TANC2: variants seen among roughly 807,000 people sequenced by gnomAD.
TANC2 encodes the protein protein TANC2.
Under a neutral mutation model 210.5 loss-of-function variants are expected in TANC2, and 26 were observed. That is an observed-to-expected ratio of 0.12 (90% CI 0.09 to 0.17). TANC2 has a LOEUF of 0.17. Among genes scored for constraint, TANC2 ranks in the 10% least tolerant of loss-of-function variants. The probability of loss-of-function intolerance (pLI) is 1.00; values close to 1 mark genes in which losing one functional copy is unlikely to be tolerated. For missense variants in TANC2, 2,129 were observed against 2,608.9 expected (o/e 0.82, Z 4.01); for synonymous variants, 931 against 967.1 (o/e 0.96, Z 0.69).
chr17:63,404,025 A>G (rs2048422480), intron 19 of TANC2, among the ~76,000 whole-genome samples: 1 of 152,204 alleles, frequency 6.6e-6, no homozygotes. Context: ...TGCCTGCCAA[A>G]TATTATCATT....
intron 9 of TANC2, among the ~76,000 whole-genome samples, chr17:63,283,516 G>T (rs1431507485): frequency 6.6e-6 from 1 of 151,664 alleles, no homozygotes; most frequent in Non-Finnish European, 1.5e-5. Flanking sequence ...TGCATTGGAT[G>T]GATGGATGGA....
At chr17:63,031,563 G>A (rs375642970) in intron 2 of TANC2, among the ~76,000 whole-genome samples, 16 of 152,072 alleles carry the variant, frequency 1.1e-4, no homozygotes, top group African/African-American at 3.9e-4. Flanking sequence ...TTAAAAAATG[G>A]TCAGACCATT....
At chr17:63,074,830 G>T (rs369488682) in intron 3 of TANC2, among the ~76,000 whole-genome samples, 6 of 152,114 alleles carry the variant, frequency 3.9e-5, no homozygotes, top group African/African-American at 1.2e-4. Context: ...TAAAATTTCA[G>T]ACAATCATTT....
At position 63,205,344 on chromosome 17, in the gene TANC2, C is replaced by CAAA. The variant is rs1158768609; in HGVS notation, c.769+4413_769+4415dup. On this transcript the variant is annotated intron_variant, in intron 7 of 27. Transcript: ENST00000689528. Reference sequence around the variant, plus strand: ...ACTGCTCAAAATTTAACCAAGGAGGCAAAAAAAAAAAAAAAAAAAAAAAAA... The same window carrying CAAA: ...ACTGCTCAAAATTTAACCAAGGAGGCAAAAAAAAAAAAAAAAAAAAAAAAAAAA... Among the ~76,000 whole-genome samples, 56 of 8,070 alleles carry CAAA rather than the reference C, an allele frequency of 6.9e-3. 16 individuals carry two copies. Among genetic ancestry groups the CAAA allele is most frequent in the African/African-American group, 0.029 (54 of 1,876 alleles). The allele number at this position is 8,070 out of a possible 152,430, so 5.3% of individuals were successfully genotyped here.
At chr17:62,996,666 T>C (rs1033129822) in intron 1 of TANC2, among the ~76,000 whole-genome samples, 2 of 152,192 alleles carry the variant, frequency 1.3e-5, no homozygotes, top group Non-Finnish European at 2.9e-5. Flanking sequence ...ATTGGTTGTT[T>C]ACTTCTCCCA....
At chr17:63,373,842 A>G (rs1031235817) in intron 14 of TANC2, among the ~76,000 whole-genome samples, 3 of 152,028 alleles carry the variant, frequency 2.0e-5, no homozygotes, top group Non-Finnish European at 4.4e-5. Flanking sequence ...TTAGCCGGGC[A>G]TGGTGGTGCA....
At chr17:63,100,154 A>T (rs1389666100) in intron 4 of TANC2, among the ~76,000 whole-genome samples, 2 of 152,146 alleles carry the variant, frequency 1.3e-5, no homozygotes. Context: ...TTCACAAAGG[A>T]TATGTCGACT....
chr17:63,350,097 T>C (rs528852310), intron 12 of TANC2, among the ~76,000 whole-genome samples: 2 of 152,352 alleles, frequency 1.3e-5, no homozygotes, highest in African/African-American at 4.8e-5. Context: ...TAAGGGCTTA[T>C]TAATCATTGC....
At chr17:62,970,537 A>T (rs866678884) in intron 1 of TANC2, among the ~76,000 whole-genome samples, 1 of 134,752 alleles carries the variant, frequency 7.4e-6, no homozygotes, top group Admixed American at 7.2e-5. Context: ...TTAAGTGAGT[A>T]TGAATTATTT....
chr17:63,340,251 C>T (rs774166918), exon 12 of TANC2: 1 of 1,613,960 alleles, frequency 6.2e-7, no homozygotes. Context: ...GCAGAGCATG[C>T]TGAGCCTTCG....
At chr17:63,069,536 C>T (rs962630999) in intron 2 of TANC2, among the ~76,000 whole-genome samples, 1 of 152,162 alleles carries the variant, frequency 6.6e-6, no homozygotes, top group African/African-American at 2.4e-5. Context: ...GATGAAAACA[C>T]TGAGACTCAG....
chr17:63,402,801 T>C (rs1049810603), intron 19 of TANC2, among the ~76,000 whole-genome samples: 1 of 152,264 alleles, frequency 6.6e-6, no homozygotes, highest in African/African-American at 2.4e-5. Flanking sequence ...TTTGGTGTTT[T>C]ATAGAATTGG....
intron 4 of TANC2, among the ~76,000 whole-genome samples, chr17:63,112,575 G>T (rs969755334): frequency 6.6e-6 from 1 of 152,176 alleles, no homozygotes; most frequent in Admixed American, 6.5e-5. Context: ...CGAAGAACCC[G>T]TTTAGAGTTC....
chr17:63,208,286 G>A (rs1238659527), intron 7 of TANC2, among the ~76,000 whole-genome samples: 1 of 152,158 alleles, frequency 6.6e-6, no homozygotes, highest in African/African-American at 2.4e-5. Flanking sequence ...ATGTTCGCAT[G>A]CAGTGTATTG....
intron 8 of TANC2, among the ~76,000 whole-genome samples, chr17:63,257,748 A>G (rs980607819): frequency 6.6e-6 from 1 of 152,200 alleles, no homozygotes; most frequent in African/African-American, 2.4e-5. Context: ...GCAAAGAGAA[A>G]ACTAATAAAA....
chr17:63,304,682 G>C (rs2044839217), intron 9 of TANC2, among the ~76,000 whole-genome samples: 1 of 152,152 alleles, frequency 6.6e-6, no homozygotes, highest in African/African-American at 2.4e-5. Flanking sequence ...AACTATGCAG[G>C]AGCAAAGACT....
At chr17:63,306,714 G>A (rs943737387) in intron 9 of TANC2, among the ~76,000 whole-genome samples, 1 of 152,168 alleles carries the variant, frequency 6.6e-6, no homozygotes, top group African/African-American at 2.4e-5. Context: ...CAGCACTTTG[G>A]GAGGCCAAGG....
chr17:63,408,972 A>G (rs1305036268), intron 21 of TANC2, among the ~76,000 whole-genome samples: 2 of 151,918 alleles, frequency 1.3e-5, no homozygotes, highest in Admixed American at 6.5e-5. Flanking sequence ...AACCAAATGT[A>G]TATTGGATTT....
chr17:62,991,913 C>T (rs978899516), intron 1 of TANC2, among the ~76,000 whole-genome samples: 5 of 151,954 alleles, frequency 3.3e-5, no homozygotes, highest in South Asian at 2.1e-4. Context: ...GGGAGTTTTA[C>T]GCACGGTTTC....
Sources: allele counts gnomAD v4.1 joint callset (sites outside exome capture counted in the v4.1 genomes callset), GRCh38; gene constraint gnomAD v4.1.1; transcripts MANE v1.5; gene names NCBI Gene and HGNC (gene_info 2026-07-23, HGNC 2026-07-21).